DMD: variants seen among roughly 807,000 people sequenced by gnomAD.
DMD encodes dystrophin.
Under a neutral mutation model 330.1 loss-of-function variants are expected in DMD, and 63 were observed. The ratio of observed to expected loss-of-function variants is 0.19; its 90% CI spans 0.16 to 0.24. DMD has a LOEUF of 0.24. Ranked by LOEUF, DMD falls within the 10% of genes least tolerant of loss-of-function variation. The pLI, the probability that DMD is intolerant of heterozygous loss-of-function variation, is 1.00. For synonymous variants in DMD, 1,223 were observed against 959.8 expected (o/e 1.27, Z -5.07); for missense variants, 3,344 against 2,684.1 (o/e 1.25, Z -5.43).
At chrX:31,970,309 C>T (rs1464122812) in intron 44 of DMD, among the ~76,000 whole-genome samples, 1 of 110,385 alleles carries the variant, frequency 9.1e-6, no homozygotes, top group African/African-American at 3.3e-5. Flanking sequence ...GAAGTTCAGG[C>T]TCATCATCAC....
chrX:31,375,467 G>A (rs1305018946), intron 60 of DMD, among the ~76,000 whole-genome samples: 3 of 111,271 alleles, frequency 2.7e-5, no homozygotes, highest in African/African-American at 9.8e-5. Context: ...ATCTGTGAAA[G>A]GGAAAAAAGG....
At chrX:32,555,178 T>C (rs1054675155) in intron 16 of DMD, among the ~76,000 whole-genome samples, 1 of 111,222 alleles carries the variant, frequency 9.0e-6, no homozygotes, top group Non-Finnish European at 1.9e-5. Flanking sequence ...ATTCATCACA[T>C]AAACAGAACT....
At chrX:31,475,327 C>T (rs535668591) in intron 59 of DMD, among the ~76,000 whole-genome samples, 5 of 111,515 alleles carry the variant, frequency 4.5e-5, no homozygotes, top group African/African-American at 1.6e-4. Context: ...AAAGGAATAC[C>T]GCAAATAGGG....
chrX:31,316,308 T>C (rs753559328), intron 62 of DMD, among the ~76,000 whole-genome samples: 11 of 111,885 alleles, frequency 9.8e-5, no homozygotes, highest in Non-Finnish European at 1.9e-4. Flanking sequence ...GTGAAATGAG[T>C]CAGCAAACTG....
At chrX:31,468,129 T>C (rs1352002207) in intron 59 of DMD, among the ~76,000 whole-genome samples, 4 of 111,832 alleles carry the variant, frequency 3.6e-5, no homozygotes, top group African/African-American at 9.8e-5. Context: ...CCTGGCTTCA[T>C]TGATTTTTTG....
At chrX:31,366,980 A>T (rs986928287) in intron 60 of DMD, among the ~76,000 whole-genome samples, 1 of 111,138 alleles carries the variant, frequency 9.0e-6, no homozygotes, top group African/African-American at 3.3e-5. Flanking sequence ...CTTCAGCATG[A>T]TGTCTTCACT....
At chrX:31,482,974 T>C (rs2068431408) in intron 57 of DMD, among the ~76,000 whole-genome samples, 1 of 109,431 alleles carries the variant, frequency 9.1e-6, no homozygotes, top group South Asian at 4.0e-4. Flanking sequence ...CCTAGATATA[T>C]GTTACGACCT....
intron 67 of DMD, among the ~76,000 whole-genome samples, chrX:31,187,424 G>A (rs942264628): frequency 1.8e-5 from 2 of 111,201 alleles, no homozygotes; most frequent in South Asian, 3.8e-4. Flanking sequence ...ATATGATTGC[G>A]GAGAATGTAC....
Position 32,831,564 on chromosome X carries a change from T to C in DMD, c.265-8177A>G, listed in dbSNP as rs190213394. The stretch of plus-strand genomic sequence containing the variant: ...CAATAACCAAGTCAAATAATGAAAA[T>C]GGAAGTTCTTAGGGCAGAGCAGAAG... On this transcript the variant is annotated intron_variant, in intron 4 of 78. Transcript: ENST00000357033. Among the ~76,000 whole-genome samples, 9 of 108,375 alleles carry C rather than the reference T, an allele frequency of 8.3e-5. No individual in the cohort carries two copies. In the East Asian group the frequency reaches 2.3e-3, roughly 28 times the overall value. 94.1% of individuals were successfully genotyped at this position (108,375 alleles called of 115,157 possible).
intron 44 of DMD, among the ~76,000 whole-genome samples, chrX:32,075,054 A>T (rs1423309199): frequency 8.9e-6 from 1 of 112,193 alleles, no homozygotes; most frequent in East Asian, 2.8e-4. Flanking sequence ...GAGAGGAACA[A>T]AGCATTGAAG....
intron 37 of DMD, among the ~76,000 whole-genome samples, chrX:32,360,363 T>C (rs2097827153): frequency 8.9e-6 from 1 of 112,115 alleles, no homozygotes; most frequent in Non-Finnish European, 1.9e-5. Flanking sequence ...TTCATCGTGA[T>C]AATAGAGCAT....
chrX:31,981,489 T>C (rs1358551372), intron 44 of DMD, among the ~76,000 whole-genome samples: 1 of 110,990 alleles, frequency 9.0e-6, no homozygotes, highest in Non-Finnish European at 1.9e-5. Flanking sequence ...AAGAACAATA[T>C]AGAACTGTAT....
At chrX:32,489,557 T>C (rs1168433403) in intron 20 of DMD, among the ~76,000 whole-genome samples, 1 of 111,451 alleles carries the variant, frequency 9.0e-6, no homozygotes, top group Non-Finnish European at 1.9e-5. Context: ...CAAACCTTGA[T>C]CCTGGACTTT....
intron 55 of DMD, among the ~76,000 whole-genome samples, chrX:31,588,911 C>T (rs1311234590): frequency 4.1e-5 from 4 of 97,088 alleles, no homozygotes; most frequent in Admixed American, 1.2e-4. Context: ...CTATTAACCT[C>T]TTTCCCCCAC....
intron 1 of DMD, among the ~76,000 whole-genome samples, chrX:33,201,284 T>A (rs1235873044): frequency 9.0e-6 from 1 of 111,196 alleles, no homozygotes; most frequent in Non-Finnish European, 1.9e-5. Context: ...ATTTCTGACT[T>A]CCCTTTGCCT....
chrX:33,010,181 T>C (rs2093661267), intron 2 of DMD, among the ~76,000 whole-genome samples: 1 of 74,553 alleles, frequency 1.3e-5, no homozygotes, highest in Non-Finnish European at 3.1e-5. Flanking sequence ...TATGCATATA[T>C]TTGTGTATGT....
intron 1 of DMD, among the ~76,000 whole-genome samples, chrX:33,186,054 G>A (rs2050247122): frequency 9.0e-6 from 1 of 111,475 alleles, no homozygotes; most frequent in South Asian, 3.8e-4. Flanking sequence ...CAAACAGAGG[G>A]GGCCCATAAT....
At chrX:31,354,270 G>T (rs2058560890) in intron 60 of DMD, among the ~76,000 whole-genome samples, 2 of 111,771 alleles carry the variant, frequency 1.8e-5, no homozygotes, top group Admixed American at 9.5e-5. Context: ...TTAATGTACT[G>T]TTTATTCACG....
intron 11 of DMD, among the ~76,000 whole-genome samples, chrX:32,641,992 T>A (rs1191704043): frequency 9.0e-6 from 1 of 111,520 alleles, no homozygotes; most frequent in African/African-American, 3.3e-5. Flanking sequence ...AAGCATTAAG[T>A]AAAACCTAGA....
Sources: allele counts gnomAD v4.1 joint callset (sites outside exome capture counted in the v4.1 genomes callset), GRCh38; gene constraint gnomAD v4.1.1; transcripts MANE v1.5; gene names NCBI Gene and HGNC (gene_info 2026-07-23, HGNC 2026-07-21).